The following ZNF536 variants were observed in gnomAD, a reference collection of about 807,000 sequenced individuals.
The protein encoded by ZNF536 is zinc finger protein 536.
In ZNF536, 13 loss-of-function variants were observed where a neutral mutation model predicts 84.5. The ratio of observed to expected loss-of-function variants is 0.15; its 90% CI spans 0.10 to 0.24. The LOEUF (loss-of-function observed/expected upper bound fraction) is 0.24. Among genes scored for constraint, ZNF536 ranks in the 10% least tolerant of loss-of-function variants. The pLI, the probability that ZNF536 is intolerant of heterozygous loss-of-function variation, is 1.00. For synonymous variants in ZNF536, 811 were observed against 742.5 expected, an observed-to-expected ratio of 1.09 and a Z score of -1.50; for missense variants, 1,536 against 1,747.5, an observed-to-expected ratio of 0.88 and a Z score of 2.16.
At chr19:30,572,627 A>G (rs143138336) in intron 1 of ZNF536, among the ~76,000 whole-genome samples, 2 of 152,348 alleles carry the variant, frequency 1.3e-5, no homozygotes, top group East Asian at 3.9e-4. Flanking sequence ...GCGTTGGCAG[A>G]TGGTCGCCAA....
At chr19:30,361,761 G>A (rs140524077) in intron 3 of ZNF536, among the ~76,000 whole-genome samples, 5 of 118,494 alleles carry the variant, frequency 4.2e-5, no homozygotes, top group Admixed American at 2.5e-4. Context: ...CTTCTGCCAC[G>A]TTCACTCTGA....
intron 2 of ZNF536, among the ~76,000 whole-genome samples, chr19:30,313,099 G>A (rs949963049): frequency 4.6e-5 from 7 of 152,222 alleles, no homozygotes; most frequent in African/African-American, 1.4e-4. Context: ...ATGGCTTAGC[G>A]AGGTGACAAG....
At chr19:30,676,201 A>C (rs1419083959) in intron 1 of ZNF536, among the ~76,000 whole-genome samples, 1 of 152,152 alleles carries the variant, frequency 6.6e-6, no homozygotes, top group African/African-American at 2.4e-5. Flanking sequence ...TGGGAAATTC[A>C]TTGACTCTTC....
At chr19:30,283,099 A>G (rs776298037) in intron 1 of ZNF536, among the ~76,000 whole-genome samples, 6 of 152,228 alleles carry the variant, frequency 3.9e-5, no homozygotes, top group African/African-American at 1.4e-4. Flanking sequence ...CTACAAATGT[A>G]TCTTCTGGTT....
rs1292265211 is a variant in ZNF536 at position 30,416,336 on chromosome 19, T to C, written c.-2-27225T>C. Reference sequence around the variant, plus strand: ...GGTACATCTTGGTTCTTCTTTGTTGTGTTTTTAGCTTCCTTCACATTTGTA... The same window carrying C: ...GGTACATCTTGGTTCTTCTTTGTTGCGTTTTTAGCTTCCTTCACATTTGTA... On this transcript the variant is annotated intron_variant, in intron 1 of 4. Transcript: ENST00000355537. 1.1e-4 allele frequency among the ~76,000 whole-genome samples: 17 copies of C among 151,476 alleles called. No individual in the cohort carries two copies. In the East Asian group the frequency reaches 2.6e-3, roughly 23 times the overall value.
At chr19:30,624,289 A>C (rs946972667) in intron 1 of ZNF536, among the ~76,000 whole-genome samples, 1 of 152,158 alleles carries the variant, frequency 6.6e-6, no homozygotes, top group South Asian at 2.1e-4. Context: ...AGCTTTTAGC[A>C]TCTGTCTCCA....
intron 1 of ZNF536, among the ~76,000 whole-genome samples, chr19:30,574,851 C>T (rs2046674288): frequency 6.6e-6 from 1 of 152,180 alleles, no homozygotes; most frequent in African/African-American, 2.4e-5. Context: ...TCCCTCCTGA[C>T]TTCTGCTAAA....
chr19:30,230,012 G>A (rs1466874183), intron 1 of ZNF536, among the ~76,000 whole-genome samples: 1 of 152,152 alleles, frequency 6.6e-6, no homozygotes, highest in East Asian at 1.9e-4. Context: ...ACTTAAGTGC[G>A]ATTGTGACCA....
chr19:30,615,593 G>A (rs764246698), intron 1 of ZNF536, among the ~76,000 whole-genome samples: 3 of 149,732 alleles, frequency 2.0e-5, no homozygotes, highest in African/African-American at 4.9e-5. Context: ...ATCTAGTTTT[G>A]TATTTATTTT....
At chr19:30,264,640 A>C (rs141552579) in intron 1 of ZNF536, among the ~76,000 whole-genome samples, 1 of 151,932 alleles carries the variant, frequency 6.6e-6, no homozygotes, top group African/African-American at 2.4e-5. Flanking sequence ...CCACTTTCTC[A>C]TATAAGAGAC....
chr19:30,669,262 A>C (rs1184631739), intron 1 of ZNF536, among the ~76,000 whole-genome samples: 1 of 152,164 alleles, frequency 6.6e-6, no homozygotes, highest in Non-Finnish European at 1.5e-5. Flanking sequence ...GGTCTCCTCC[A>C]TTTCTGTTCC....
intron 1 of ZNF536, among the ~76,000 whole-genome samples, chr19:30,611,915 T>C (rs2048118316): frequency 6.6e-6 from 1 of 152,202 alleles, no homozygotes. Flanking sequence ...TTTTCATCTC[T>C]TAAGCGTGGA....
intron 2 of ZNF536, among the ~76,000 whole-genome samples, chr19:30,456,522 T>C (rs1482396773): frequency 6.6e-6 from 1 of 152,152 alleles, no homozygotes; most frequent in Non-Finnish European, 1.5e-5. Flanking sequence ...TGTTTTACGC[T>C]GGTGTTTGCA....
rs746317109 is a variant in ZNF536 at position 30,548,370 on chromosome 19, C to G, written c.2751C>G (p.Ser917=). 5 of 1,613,940 alleles carry G rather than the reference C, an allele frequency of 3.1e-6. No individual in the cohort carries two copies. The East Asian group carries it at 1.1e-4, about 36-fold the overall frequency. ...IVSNGVNFQG[S]LQAFMDSFVL... Reference sequence around the variant, plus strand: ...GCAACGGTGTGAATTTCCAAGGGTCCTTGCAAGCTTTCATGGACAGTTTTG... The same window carrying G: ...GCAACGGTGTGAATTTCCAAGGGTCGTTGCAAGCTTTCATGGACAGTTTTG... Residue 917 remains serine (S), a synonymous_variant, in exon 4 of 5, where the codon TCC becomes TCG. Transcript: ENST00000355537.
In ZNF536 at chr19:30,261,474, A is replaced by AG. The variant is rs536415850; in HGVS notation, c.-189-22596dup. On this transcript the variant is annotated intron_variant, in intron 1 of 5. Transcript: ENST00000585628. ...CAGCTCTTTGGGAGGCTGAGGTCAG[A>AG]GGATAGCTTGAGCCCTGGAGTTTGA... 4.6e-4 allele frequency among the ~76,000 whole-genome samples: 70 copies of AG among 152,006 alleles called. No homozygotes were observed. In the East Asian group the frequency reaches 8.3e-3, roughly 18 times the overall value.
intron 1 of ZNF536, among the ~76,000 whole-genome samples, chr19:30,277,726 G>A (rs576823122): frequency 1.3e-5 from 2 of 152,346 alleles, no homozygotes; most frequent in Admixed American, 6.5e-5. Flanking sequence ...TGATGGCAGC[G>A]TGTCCGTTGT....
intron 1 of ZNF536, among the ~76,000 whole-genome samples, chr19:30,242,467 A>G (rs1456940354): frequency 6.6e-6 from 1 of 152,206 alleles, no homozygotes; most frequent in Admixed American, 6.5e-5. Context: ...AGGGTCCATC[A>G]TGAGTGTCAC....
chr19:30,236,981 A>G (rs2023572806), intron 1 of ZNF536, among the ~76,000 whole-genome samples: 1 of 151,808 alleles, frequency 6.6e-6, no homozygotes, highest in Admixed American at 6.6e-5. Context: ...CCTTTGTCTC[A>G]CTGACACCAG....
chr19:30,469,403 C>T (rs993466919), intron 2 of ZNF536, among the ~76,000 whole-genome samples: 4 of 152,026 alleles, frequency 2.6e-5, no homozygotes, highest in African/African-American at 9.7e-5. Context: ...CAGAGTGAGA[C>T]TCCATCTCAA....
Sources: allele counts gnomAD v4.1 joint callset (sites outside exome capture counted in the v4.1 genomes callset), GRCh38; gene constraint gnomAD v4.1.1; transcripts MANE v1.5; gene names NCBI Gene and HGNC (gene_info 2026-07-23, HGNC 2026-07-21).